The following TUNAR variants were observed in gnomAD, a reference collection of about 807,000 sequenced individuals.
TUNAR encodes transmembrane neural differentiation associated intracellular calcium regulator.
intron 2 of TUNAR, among the ~76,000 whole-genome samples, chr14:95,914,795 G>A (rs1021702681): frequency 2.0e-5 from 3 of 152,180 alleles, no homozygotes; most frequent in Admixed American, 6.5e-5. Context: ...TGAGGAAACT[G>A]AAGCTCAGAG....
chr14:95,919,904 T>C (rs1369113912), intron 2 of TUNAR, among the ~76,000 whole-genome samples: 1 of 152,172 alleles, frequency 6.6e-6, no homozygotes, highest in African/African-American at 2.4e-5. Flanking sequence ...TTAAAAAACT[T>C]AATATGAAAT....
chr14:95,890,595 A>C (rs1161999265), intron 2 of TUNAR, among the ~76,000 whole-genome samples: 2 of 152,314 alleles, frequency 1.3e-5, no homozygotes, highest in East Asian at 3.9e-4. Context: ...AGAGAGAAAT[A>C]GCACGTTCAC....
chr14:95,920,645 T>C (rs1242741396), intron 2 of TUNAR, among the ~76,000 whole-genome samples: 2 of 152,216 alleles, frequency 1.3e-5, no homozygotes, highest in Non-Finnish European at 2.9e-5. Context: ...TTCATTCACA[T>C]GTCCTGTCCT....
At chr14:95,919,265 C>T (rs564813801) in intron 2 of TUNAR, among the ~76,000 whole-genome samples, 11 of 152,332 alleles carry the variant, frequency 7.2e-5, no homozygotes, top group South Asian at 6.2e-4. Context: ...CAAACGTATG[C>T]GTACCCTGTG....
chr14:95,900,796 C>G (rs1001666877), intron 2 of TUNAR, among the ~76,000 whole-genome samples: 3 of 152,118 alleles, frequency 2.0e-5, no homozygotes, highest in African/African-American at 7.2e-5. Flanking sequence ...AAAAACAGTT[C>G]ATGACAAAAG....
chr14:95,880,094 C>A (rs1183709932), intron 2 of TUNAR, among the ~76,000 whole-genome samples: 1 of 152,164 alleles, frequency 6.6e-6, no homozygotes, highest in East Asian at 1.9e-4. Context: ...CAAATTATTT[C>A]CATTTGCTGG....
exon 3 of TUNAR, chr14:95,924,643 A>C (rs1889755872): frequency 6.6e-6 from 1 of 152,362 alleles, no homozygotes; most frequent in Admixed American, 6.5e-5. Context: ...AGAAGTGAAC[A>C]TGTGCAAGGA....
At chr14:95,913,516 A>G (rs971547346) in intron 2 of TUNAR, among the ~76,000 whole-genome samples, 3 of 152,216 alleles carry the variant, frequency 2.0e-5, no homozygotes, top group African/African-American at 7.2e-5. Context: ...CGAATTTTTC[A>G]TTCCGCAATT....
At chr14:95,884,119 C>T (rs530219419) in intron 2 of TUNAR, among the ~76,000 whole-genome samples, 29 of 152,304 alleles carry the variant, frequency 1.9e-4, no homozygotes, top group African/African-American at 7.0e-4. Flanking sequence ...ACCACGCTTC[C>T]CGCTCCTCCT....
At chr14:95,906,525 T>A (rs1889428604) in intron 2 of TUNAR, among the ~76,000 whole-genome samples, 1 of 152,254 alleles carries the variant, frequency 6.6e-6, no homozygotes, top group Non-Finnish European at 1.5e-5. Flanking sequence ...CATGTCCCCA[T>A]GAGAAGCACA....
intron 2 of TUNAR, among the ~76,000 whole-genome samples, chr14:95,899,008 C>T (rs7152538): frequency 0.048 from 7,345 of 152,210 alleles, 531 homozygotes; most frequent in African/African-American, 0.16. Flanking sequence ...GTAACCAAAC[C>T]CCAGCCTTCT....
At chr14:95,900,686 T>C (rs1889338662) in intron 2 of TUNAR, among the ~76,000 whole-genome samples, 1 of 152,214 alleles carries the variant, frequency 6.6e-6, no homozygotes, top group African/African-American at 2.4e-5. Flanking sequence ...AGGTTAGCTG[T>C]CATTGCTTAT....
At chr14:95,879,518 G>A (rs901467025) in intron 2 of TUNAR, among the ~76,000 whole-genome samples, 2 of 152,138 alleles carry the variant, frequency 1.3e-5, no homozygotes, top group East Asian at 1.9e-4. Flanking sequence ...ATGAAATAAC[G>A]ATTTTTGTGT....
chr14:95,922,137 A>G (rs571638749), intron 2 of TUNAR, among the ~76,000 whole-genome samples: 2 of 152,140 alleles, frequency 1.3e-5, no homozygotes, highest in South Asian at 2.1e-4. Context: ...ATGTCTGTTC[A>G]CTTTTCTAGC....
At chr14:95,925,031 ATATCT>A (rs768035467) in exon 3 of TUNAR, 5 of 152,230 alleles carry the variant, frequency 3.3e-5, no homozygotes, top group African/African-American at 9.6e-5. Flanking sequence ...TTGATTTATG[ATATCT>A]TCTCTTCCCT....
At chr14:95,901,529 T>C (rs1264082786) in intron 2 of TUNAR, among the ~76,000 whole-genome samples, 3 of 152,184 alleles carry the variant, frequency 2.0e-5, no homozygotes, top group African/African-American at 7.2e-5. Context: ...GAGTTAATCT[T>C]GTGGATTTGG....
chr14:95,924,277 G>A (rs1029079097), exon 3 of TUNAR: 3 of 152,192 alleles, frequency 2.0e-5, no homozygotes, highest in Non-Finnish European at 4.4e-5. Context: ...GACATGAGGA[G>A]GGGATTTAAT....
At chr14:95,904,515 G>A (rs1446980948) in intron 2 of TUNAR, among the ~76,000 whole-genome samples, 1 of 152,178 alleles carries the variant, frequency 6.6e-6, no homozygotes, top group Non-Finnish European at 1.5e-5. Context: ...GTGAGGGATA[G>A]GTATGAAAGT....
At chr14:95,894,624 A>G (rs984296033) in intron 2 of TUNAR, among the ~76,000 whole-genome samples, 3 of 152,172 alleles carry the variant, frequency 2.0e-5, no homozygotes, top group African/African-American at 4.8e-5. Context: ...AACCAGGCCC[A>G]TGACCTTCTG....
Sources: allele counts gnomAD v4.1 joint callset (sites outside exome capture counted in the v4.1 genomes callset), GRCh38; gene constraint gnomAD v4.1.1; transcripts MANE v1.5; gene names NCBI Gene and HGNC (gene_info 2026-07-23, HGNC 2026-07-21).